The following DCDC2 variants were observed in gnomAD, a reference collection of about 807,000 sequenced individuals.
The protein encoded by DCDC2 is doublecortin domain-containing protein 2.
DCDC2 carries 40 observed loss-of-function variants against 50.2 expected under a neutral mutation model. The observed-to-expected ratio is 0.80, with a 90% CI of 0.62 to 1.04. The LOEUF is 1.04. Ranked by LOEUF, DCDC2 falls within the 50% of genes least tolerant of loss-of-function variation. The probability of loss-of-function intolerance (pLI) is 0.00; values close to 1 mark genes in which losing one functional copy is unlikely to be tolerated. For missense variants in DCDC2, 570 were observed against 581.9 expected, an observed-to-expected ratio of 0.98 and a Z score of 0.21; for synonymous variants, 234 against 210.6, an observed-to-expected ratio of 1.11 and a Z score of -0.96.
chr6:24,253,997 T>C (rs1440720667), intron 7 of DCDC2, among the ~76,000 whole-genome samples: 3 of 152,158 alleles, frequency 2.0e-5, no homozygotes, highest in Non-Finnish European at 2.9e-5. Flanking sequence ...TGTACAAAAA[T>C]CTTTTCTTTA....
intron 6 of DCDC2, among the ~76,000 whole-genome samples, chr6:24,284,974 T>C (rs1160991669): frequency 6.6e-6 from 1 of 152,180 alleles, no homozygotes; most frequent in African/African-American, 2.4e-5. Context: ...TTGAAACTAT[T>C]TGTACATTTG....
intron 8 of DCDC2, among the ~76,000 whole-genome samples, chr6:24,193,767 C>A (rs1238071188): frequency 6.6e-6 from 1 of 151,714 alleles, no homozygotes; most frequent in Non-Finnish European, 1.5e-5. Context: ...TGTATGTGGC[C>A]CTATTTTTGA....
intron 7 of DCDC2, among the ~76,000 whole-genome samples, chr6:24,227,175 T>A (rs997579671): frequency 6.6e-6 from 1 of 152,182 alleles, no homozygotes; most frequent in East Asian, 1.9e-4. Flanking sequence ...AATATCAGCA[T>A]CATGTACTGA....
In DCDC2 at chr6:24,174,776, T is replaced by C. The variant is rs1760866508; in HGVS notation, c.1385A>G (p.Glu462Gly). Residue 462 changes from glutamate (E) to glycine (G), a missense_variant, in exon 10 of 10, where the codon GAA becomes GGA. Physicochemically the swap from Glu to Gly is moderately conservative, Grantham distance 98. Coordinates refer to ENST00000378454, the MANE Select transcript of DCDC2 (RefSeq NM_016356.5). ...CTTGTTTTGTTGGTTGTTTTCATTT[T>C]CTTCTGGACTGGTAATTTTTACTTC... Reference protein sequence around the residue: ...RPEVKITSPEENENNQQNKDY... With the variant: ...RPEVKITSPEGNENNQQNKDY... 6.2e-7 allele frequency: 1 copy of C among 1,613,834 alleles called. No individual in the cohort carries two copies. The highest frequency in any genetic ancestry group is 1.3e-5 in the African/African-American group (1 of 75,042).
intron 2 of DCDC2, among the ~76,000 whole-genome samples, chr6:24,328,791 CAATTACTACA>C (rs1211534543): frequency 6.6e-6 from 1 of 152,144 alleles, no homozygotes; most frequent in East Asian, 1.9e-4. Context: ...CACTGTGAAG[CAATTACTACA>C]GGTTACTACA....
chr6:24,216,829 T>C (rs1387370104), intron 7 of DCDC2, among the ~76,000 whole-genome samples: 1 of 152,254 alleles, frequency 6.6e-6, no homozygotes, highest in Non-Finnish European at 1.5e-5. Flanking sequence ...ACAATATCAA[T>C]GTAACCAGAA....
At chr6:24,234,468 T>C (rs1010138108) in intron 7 of DCDC2, among the ~76,000 whole-genome samples, 1 of 151,934 alleles carries the variant, frequency 6.6e-6, no homozygotes, top group Non-Finnish European at 1.5e-5. Flanking sequence ...TGGGAACGAG[T>C]GCAGAACAAA....
chr6:24,334,028 T>C lies in DCDC2; in HGVS notation c.348+19541A>G, dbSNP rs142620237. On this transcript the variant is annotated intron_variant, in intron 2 of 9. Coordinates refer to ENST00000378454, the MANE Select transcript of DCDC2 (RefSeq NM_016356.5). ...AAAGTCAGGTATAGAGCAGGGAAGATAGCCCTTGCAAACAAAACCGGCTTC... is the reference window on the plus strand; with the variant it reads ...AAAGTCAGGTATAGAGCAGGGAAGACAGCCCTTGCAAACAAAACCGGCTTC... 1.2e-4 allele frequency among the ~76,000 whole-genome samples: 19 copies of C among 152,312 alleles called. No homozygotes were observed. In the East Asian group the frequency reaches 3.3e-3, roughly 26 times the overall value.
intron 2 of DCDC2, among the ~76,000 whole-genome samples, chr6:24,326,828 C>T (rs1042432547): frequency 2.1e-5 from 3 of 145,868 alleles, no homozygotes; most frequent in Non-Finnish European, 4.5e-5. Flanking sequence ...TACTGCACTC[C>T]AGCCTGGGTG....
intron 7 of DCDC2, among the ~76,000 whole-genome samples, chr6:24,258,200 A>G (rs1275970877): frequency 6.6e-6 from 1 of 152,192 alleles, no homozygotes; most frequent in African/African-American, 2.4e-5. Context: ...AGCAAGATTT[A>G]TTGTGAAGAG....
chr6:24,245,753 A>T (rs946045535), intron 7 of DCDC2, among the ~76,000 whole-genome samples: 1 of 152,222 alleles, frequency 6.6e-6, no homozygotes, highest in Non-Finnish European at 1.5e-5. Flanking sequence ...AGATTACTAA[A>T]AAGTGCATCA....
At position 24,352,102 on chromosome 6, in the gene DCDC2, T is replaced by A. The variant is rs151051260; in HGVS notation, c.348+1467A>T. On this transcript the variant is annotated intron_variant, in intron 2 of 9. Transcript: ENST00000378454. ...CTGGGTGACAGAAGGAGACTCTGTC[T>A]CAAAAAAAAATTTTTAAGAAAAAAG... Among the ~76,000 whole-genome samples the A allele has an allele frequency of 6.0e-3, 907 of 152,196 alleles. 13 individuals carry two copies. The highest frequency in any genetic ancestry group is 0.019 in the African/African-American group (809 of 41,528).
chr6:24,294,393 A>G (rs190109788), intron 4 of DCDC2, among the ~76,000 whole-genome samples: 3 of 152,276 alleles, frequency 2.0e-5, no homozygotes, highest in South Asian at 2.1e-4. Context: ...GAACAACCTA[A>G]TAACACAACT....
chr6:24,264,098 AG>A (rs1763067250), intron 7 of DCDC2, among the ~76,000 whole-genome samples: 1 of 152,200 alleles, frequency 6.6e-6, no homozygotes, highest in African/African-American at 2.4e-5. Flanking sequence ...TTTAAAGTGA[AG>A]AAAAAAAAAC....
intron 2 of DCDC2, among the ~76,000 whole-genome samples, chr6:24,335,297 G>A (rs1045608357): frequency 1.3e-5 from 2 of 152,178 alleles, no homozygotes; most frequent in Non-Finnish European, 2.9e-5. Flanking sequence ...GATAGGATGC[G>A]ATAACTAAAG....
At chr6:24,239,245 G>A (rs190443052) in intron 7 of DCDC2, among the ~76,000 whole-genome samples, 24 of 152,280 alleles carry the variant, frequency 1.6e-4, no homozygotes, top group Admixed American at 1.1e-3. Context: ...CCCAGAGGAA[G>A]AACACCAGGA....
chr6:24,381,493 G>C, the DCDC2 span, among the ~76,000 whole-genome samples: 1 of 152,212 alleles, frequency 6.6e-6, no homozygotes, highest in African/African-American at 2.4e-5. Context: ...CTCAGCGGCA[G>C]GCTTAAGATG....
intron 7 of DCDC2, among the ~76,000 whole-genome samples, chr6:24,208,060 C>T (rs1761762480): frequency 6.6e-6 from 1 of 152,202 alleles, no homozygotes; most frequent in Non-Finnish European, 1.5e-5. Flanking sequence ...ACTCCATTGA[C>T]ATCCCCTCAA....
At position 24,216,530 on chromosome 6, in the gene DCDC2, T is replaced by C. The variant is rs773118463; in HGVS notation, c.923-11428A>G. Among the ~76,000 whole-genome samples the C allele has an allele frequency of 1.2e-3, 177 of 152,316 alleles. 2 individuals carry two copies. The highest frequency in any genetic ancestry group is 8.2e-4 in the Non-Finnish European group (56 of 68,026). ...GAGGTGAATTAGTGAAGACAAGCAGTACAGACGACTCTTTCAAGATGATTG... is the reference window on the plus strand; with the variant it reads ...GAGGTGAATTAGTGAAGACAAGCAGCACAGACGACTCTTTCAAGATGATTG... On this transcript the variant is annotated intron_variant, in intron 7 of 9. Transcript: ENST00000378454.
Sources: gnomAD v4.1 joint callset for allele counts (sites outside exome capture counted in the v4.1 genomes callset) on GRCh38, gnomAD v4.1.1 for gene constraint, MANE v1.5 for transcripts, NCBI Gene and HGNC (gene_info 2026-07-23, HGNC 2026-07-21) for gene names.